GOSR2: variants seen among roughly 807,000 people sequenced by gnomAD.
GOSR2 encodes golgi SNAP receptor complex member 2.
GOSR2 carries 20 observed loss-of-function variants against 27.9 expected under a neutral mutation model. The ratio of observed to expected loss-of-function variants is 0.72; its 90% CI spans 0.50 to 1.04. The LOEUF is 1.04. Ranked by LOEUF, GOSR2 falls within the 50% of genes least tolerant of loss-of-function variation. The pLI is 0.00. For synonymous variants in GOSR2, 91 were observed against 98.8 expected (o/e 0.92, Z 0.47); for missense variants, 261 against 270.5 (o/e 0.97, Z 0.25).
chr17:46,946,940 G>A (rs1041790767), downstream of GOSR2, among the ~76,000 whole-genome samples: 2 of 152,212 alleles, frequency 1.3e-5, no homozygotes, highest in African/African-American at 2.4e-5. Context: ...ATATCAGAGG[G>A]TGGAGAGCCC....
chr17:46,974,913 C>T (rs1402120976), intron 6 of GOSR2, among the ~76,000 whole-genome samples: 1 of 151,290 alleles, frequency 6.6e-6, no homozygotes, highest in Admixed American at 6.6e-5. Context: ...ATTAGGCATT[C>T]GCTACTATTT....
At chr17:46,938,190 T>C (rs1014307342) in intron 5 of GOSR2, among the ~76,000 whole-genome samples, 1 of 151,918 alleles carries the variant, frequency 6.6e-6, no homozygotes, top group Non-Finnish European at 1.5e-5. Context: ...TATTCTCCTG[T>C]GTTTTTTTCT....
intron 5 of GOSR2, 76 bp from the exon 6 acceptor site, chr17:46,938,523 A>G: frequency 6.2e-7 from 1 of 1,607,154 alleles, no homozygotes; most frequent in Non-Finnish European, 8.5e-7. Flanking sequence ...GCAAAGCTCC[A>G]TCTCCTGATG....
At chr17:46,942,773 A>G (rs902797218), downstream of GOSR2, among the ~76,000 whole-genome samples, 4 of 152,344 alleles carry the variant, frequency 2.6e-5, no homozygotes, top group East Asian at 5.8e-4. Context: ...TGCTGTACTT[A>G]GAAGCTGAGA....
chr17:46,957,295 A>G (rs1416346134), intron 6 of GOSR2, among the ~76,000 whole-genome samples: 1 of 152,058 alleles, frequency 6.6e-6, no homozygotes, highest in Non-Finnish European at 1.5e-5. Flanking sequence ...ACAGAGTGAG[A>G]CCCTGCCTCA....
At chr17:46,955,388 C>G (rs935629946) in intron 6 of GOSR2, 10 of 152,066 alleles carry the variant, frequency 6.6e-5, no homozygotes, top group East Asian at 5.8e-4. Context: ...GGTGGATAAG[C>G]TTTTTGATGT....
In GOSR2 at chr17:46,926,558, C is replaced by G. The variant is rs567284303; in HGVS notation, c.30-2962C>G. 5.3e-5 allele frequency among the ~76,000 whole-genome samples: 8 copies of G among 152,292 alleles called. No individual in the cohort carries two copies. In the East Asian group the frequency reaches 1.2e-3, roughly 22 times the overall value. The stretch of plus-strand genomic sequence containing the variant: ...GACCCCATGCTAGAGAGGGCTAAGA[C>G]TTCTTTTTCCTCATGTCCACGCTCC... On this transcript the variant is annotated intron_variant, in intron 1 of 5. Coordinates refer to ENST00000640051, the MANE Select transcript of GOSR2 (RefSeq NM_004287.5).
At chr17:46,944,546 GC>G (rs1324302408), downstream of GOSR2, among the ~76,000 whole-genome samples, 1 of 152,060 alleles carries the variant, frequency 6.6e-6, no homozygotes, top group Non-Finnish European at 1.5e-5. Context: ...TCTGGGCCTC[GC>G]TCCCCAGAGA....
intron 6 of GOSR2, among the ~76,000 whole-genome samples, chr17:46,972,569 C>T (rs544245898): frequency 6.6e-5 from 10 of 152,342 alleles, no homozygotes; most frequent in East Asian, 1.9e-4. Context: ...CCGTTGGTGA[C>T]GGATGTTGGC....
At chr17:46,953,173 A>G (rs1015672440) in intron 6 of GOSR2, among the ~76,000 whole-genome samples, 2 of 151,866 alleles carry the variant, frequency 1.3e-5, no homozygotes, top group African/African-American at 2.4e-5. Flanking sequence ...CATTAGGTAT[A>G]TCTCCTAATG....
chr17:46,948,145 C>T (rs1042123819), intron 6 of GOSR2, among the ~76,000 whole-genome samples: 1 of 152,210 alleles, frequency 6.6e-6, no homozygotes, highest in Non-Finnish European at 1.5e-5. Flanking sequence ...AAGATCAGCT[C>T]TGCCCTTTAG....
chr17:46,930,594 G>A (rs1053056158), intron 2 of GOSR2: 1 of 155,372 alleles, frequency 6.4e-6, no homozygotes, highest in East Asian at 1.9e-4. Context: ...AGGGAAGAAA[G>A]CCTTAAGGGA....
intron 4 of GOSR2, chr17:46,932,505 C>G: frequency 1.7e-6 from 1 of 591,640 alleles, no homozygotes; most frequent in Non-Finnish European, 3.0e-6. Context: ...AAACGTTTTT[C>G]TGATCAGATA....
chr17:46,925,627 G>T (rs574086886), intron 1 of GOSR2, among the ~76,000 whole-genome samples: 1 of 152,176 alleles, frequency 6.6e-6, no homozygotes, highest in Non-Finnish European at 1.5e-5. Flanking sequence ...CAAGAAACAC[G>T]TGGAGTCCAG....
Position 46,929,517 on chromosome 17 carries a change from T to C in GOSR2, c.30-3T>C, listed in dbSNP as rs2086989287. On this transcript the variant is annotated splice_polypyrimidine_tract_variant and splice_region_variant and intron_variant, in intron 1 of 5. Coordinates refer to ENST00000640051, the MANE Select transcript of GOSR2 (RefSeq NM_004287.5). ...ACTCATTTCCTCCCTCTTCCTTTGA[T>C]AGGCAGGTCCACGAGATCCAGTCTT... The C allele has an allele frequency of 1.3e-6, 2 of 1,509,764 alleles. No homozygotes were observed. The highest frequency in any genetic ancestry group is 3.3e-5 in the Admixed American group (2 of 59,886). 93.5% of individuals were successfully genotyped at this position (1,509,764 alleles called of 1,614,324 possible).
At chr17:46,937,298 AC>A (rs1421795800) in intron 5 of GOSR2, 1 of 152,140 alleles carries the variant, frequency 6.6e-6, no homozygotes, top group African/African-American at 2.4e-5. Context: ...CACCCATTGT[AC>A]TCAGAAGAAA....
At chr17:46,956,190 A>G (rs1194400986) in intron 6 of GOSR2, among the ~76,000 whole-genome samples, 1 of 152,098 alleles carries the variant, frequency 6.6e-6, no homozygotes, top group Non-Finnish European at 1.5e-5. Context: ...GTTATTCAAC[A>G]ACACTTGCAA....
downstream of GOSR2, among the ~76,000 whole-genome samples, chr17:46,969,750 G>C (rs1213327535): frequency 6.6e-6 from 1 of 152,174 alleles, no homozygotes; most frequent in Non-Finnish European, 1.5e-5. Context: ...CAGTGAGATG[G>C]GTCCCCCTCT....
At position 46,931,134 on chromosome 17, in the gene GOSR2, A is replaced by T. The variant is rs1361104286; in HGVS notation, c.130A>T (p.Ile44Leu). Residue 44 changes from isoleucine (I) to leucine (L), a missense_variant, in exon 3 of 6, where the codon ATA becomes TTA. Ile to Leu is a conservative substitution (Grantham distance 5). Coordinates refer to ENST00000640051, the MANE Select transcript of GOSR2 (RefSeq NM_004287.5). ...ENEIQASIDQ[I>L]FSRLERLEIL... Reference sequence around the variant, plus strand: ...CGAAATCCAAGCAAGCATAGACCAGATATTCAGCCGTCTAGAACGTCTGGA... The same window carrying T: ...CGAAATCCAAGCAAGCATAGACCAGTTATTCAGCCGTCTAGAACGTCTGGA... 6.2e-7 allele frequency: 1 copy of T among 1,610,324 alleles called. No individual in the cohort carries two copies. Among genetic ancestry groups the T allele is most frequent in the Non-Finnish European group, 8.5e-7 (1 of 1,176,648 alleles).
Sources: gnomAD v4.1 joint callset for allele counts (sites outside exome capture counted in the v4.1 genomes callset) on GRCh38, gnomAD v4.1.1 for gene constraint, MANE v1.5 for transcripts, NCBI Gene and HGNC (gene_info 2026-07-23, HGNC 2026-07-21) for gene names.